The following MYO16 variants were observed in gnomAD, a reference collection of about 807,000 sequenced individuals.
The protein encoded by MYO16 is myosin XVI.
A neutral mutation model predicts 205.3 loss-of-function variants in MYO16; 94 were observed. The observed-to-expected ratio is 0.46, with a 90% CI of 0.39 to 0.54. MYO16 has a LOEUF of 0.54. MYO16 is among the 20% of genes least tolerant of loss of function. The pLI is 0.00. For synonymous variants in MYO16, 988 were observed against 954.0 expected (o/e 1.04, Z -0.66); for missense variants, 2,315 against 2,387.5 (o/e 0.97, Z 0.63).
At chr13:109,206,546 C>G in intron 34 of MYO16, 63 bp from the exon 35 acceptor site, 1 of 1,227,818 alleles carries the variant, frequency 8.1e-7, no homozygotes, top group South Asian at 1.3e-5. Context: ...GTTGCTATCA[C>G]ACTTCATACT....
chr13:108,702,803 G>A (rs1357182859), intron 2 of MYO16, among the ~76,000 whole-genome samples: 1 of 151,984 alleles, frequency 6.6e-6, no homozygotes. Context: ...AGTGGTAGAG[G>A]GGACAGCTGA....
intron 22 of MYO16, among the ~76,000 whole-genome samples, chr13:109,017,370 C>A (rs375553898): frequency 6.6e-6 from 1 of 152,130 alleles, no homozygotes; most frequent in Non-Finnish European, 1.5e-5. Context: ...GTGGGTAACC[C>A]GACCTTTCTC....
chr13:109,111,388 A>G (rs1363027426), intron 28 of MYO16, among the ~76,000 whole-genome samples: 3 of 152,216 alleles, frequency 2.0e-5, no homozygotes, highest in African/African-American at 7.2e-5. Context: ...TATTCTTAAC[A>G]AACTGGGAAC....
chr13:108,520,710 T>C, the MYO16 span, among the ~76,000 whole-genome samples: 1 of 152,248 alleles, frequency 6.6e-6, no homozygotes, highest in Non-Finnish European at 1.5e-5. Context: ...CCCTGTAGTA[T>C]GGATGCATAC....
chr13:108,519,647 ACC>A, the MYO16 span, among the ~76,000 whole-genome samples: 12,426 of 148,282 alleles, frequency 0.084, 599 homozygotes, highest in East Asian at 0.21. Flanking sequence ...ACACACACAC[ACC>A]CACACACACA....
intron 10 of MYO16, among the ~76,000 whole-genome samples, chr13:108,847,280 T>C (rs751423884): frequency 6.6e-6 from 1 of 152,216 alleles, no homozygotes; most frequent in Non-Finnish European, 1.5e-5. Flanking sequence ...ATTGTAACCA[T>C]GCTCTATTTA....
intron 12 of MYO16, among the ~76,000 whole-genome samples, chr13:108,870,862 G>C (rs9521078): frequency 0.67 from 101,226 of 151,792 alleles, 34,045 homozygotes; most frequent in East Asian, 0.89. Flanking sequence ...GTATTTGGGG[G>C]TTTTAAATTT....
At chr13:108,898,320 C>T (rs1880529646) in intron 15 of MYO16, among the ~76,000 whole-genome samples, 187 bp downstream of exon 15, 1 of 145,566 alleles carries the variant, frequency 6.9e-6, no homozygotes, top group African/African-American at 2.5e-5. Flanking sequence ...GAACAAGGAT[C>T]AATACTCAGG....
chr13:108,836,203 G>T (rs1876908359), intron 9 of MYO16, among the ~76,000 whole-genome samples: 5 of 152,190 alleles, frequency 3.3e-5, no homozygotes, highest in Admixed American at 3.3e-4. Flanking sequence ...AGCTCAAAGG[G>T]GCCAAAGTAT....
chr13:109,167,129 C>G (rs746182140), intron 33 of MYO16: 1 of 152,352 alleles, frequency 6.6e-6, no homozygotes, highest in Non-Finnish European at 1.5e-5. Flanking sequence ...AGAGAGAGCA[C>G]CCCAGATGGA....
At chr13:108,790,649 T>A (rs1185407370) in intron 5 of MYO16, among the ~76,000 whole-genome samples, 1 of 152,186 alleles carries the variant, frequency 6.6e-6, no homozygotes, top group Non-Finnish European at 1.5e-5. Context: ...TTCTGTTGTG[T>A]TGTATTAACC....
At chr13:109,094,108 C>T (rs1041265094) in intron 27 of MYO16, among the ~76,000 whole-genome samples, 3 of 152,194 alleles carry the variant, frequency 2.0e-5, no homozygotes, top group African/African-American at 7.2e-5. Flanking sequence ...ACAGTTCCCC[C>T]AGAGAAGCCA....
At chr13:109,015,072 C>G (rs1212440782) in intron 22 of MYO16, among the ~76,000 whole-genome samples, 1 of 152,174 alleles carries the variant, frequency 6.6e-6, no homozygotes, top group South Asian at 2.1e-4. Context: ...AGTTATTGCC[C>G]ATTCAGTATG....
chr13:109,193,978 C>T (rs9301355), intron 34 of MYO16, among the ~76,000 whole-genome samples: 32,608 of 152,070 alleles, frequency 0.21, 6,411 homozygotes, highest in African/African-American at 0.52. Context: ...TCACATATCC[C>T]AGTGGCCATA....
At chr13:108,576,485 A>T in the MYO16 span, among the ~76,000 whole-genome samples, 1 of 152,218 alleles carries the variant, frequency 6.6e-6, no homozygotes, top group Non-Finnish European at 1.5e-5. Flanking sequence ...GGGATGGAAA[A>T]CAATAGTAAT....
At chr13:108,673,895 C>A (rs935783653) in intron 2 of MYO16, among the ~76,000 whole-genome samples, 1 of 152,072 alleles carries the variant, frequency 6.6e-6, no homozygotes, top group African/African-American at 2.4e-5. Context: ...TGCCATCACT[C>A]CCCTGGTCTT....
At chr13:108,869,472 C>G (rs1278299332) in intron 12 of MYO16, among the ~76,000 whole-genome samples, 1 of 151,774 alleles carries the variant, frequency 6.6e-6, no homozygotes, top group Non-Finnish European at 1.5e-5. Context: ...CTCCTGTAAT[C>G]CCAGCACTTT....
At chr13:108,745,111 G>A (rs966373219) in intron 4 of MYO16, among the ~76,000 whole-genome samples, 7 of 152,152 alleles carry the variant, frequency 4.6e-5, no homozygotes, top group Non-Finnish European at 1.0e-4. Context: ...ATTGAAAATC[G>A]GTGATGTTTC....
chr13:108,641,704 C>T (rs907547163), intron 1 of MYO16, among the ~76,000 whole-genome samples: 3 of 152,226 alleles, frequency 2.0e-5, no homozygotes, highest in East Asian at 3.8e-4. Flanking sequence ...CCCTTCCACA[C>T]AGCACTCATG....
Sources: allele counts gnomAD v4.1 joint callset (sites outside exome capture counted in the v4.1 genomes callset), GRCh38; gene constraint gnomAD v4.1.1; transcripts MANE v1.5; gene names NCBI Gene and HGNC (gene_info 2026-07-23, HGNC 2026-07-21).